The following CLIP4 variants were observed in gnomAD, a reference collection of about 807,000 sequenced individuals.
CLIP4 encodes the protein CAP-Gly domain containing linker protein family member 4.
In CLIP4, 47 loss-of-function variants were observed where a neutral mutation model predicts 73.1. The ratio of observed to expected loss-of-function variants is 0.64; its 90% CI spans 0.51 to 0.82. The LOEUF (loss-of-function observed/expected upper bound fraction) is 0.82, where lower values mean the gene tolerates loss of function less well. Ranked by LOEUF, CLIP4 falls within the 40% of genes least tolerant of loss-of-function variation. The pLI, the probability that CLIP4 is intolerant of heterozygous loss-of-function variation, is 0.00. For synonymous variants in CLIP4, 306 were observed against 295.4 expected (o/e 1.04, Z -0.37); for missense variants, 874 against 852.9 (o/e 1.02, Z -0.31).
chr2:29,147,526 A>G (rs1488725019), intron 8 of CLIP4, among the ~76,000 whole-genome samples: 1 of 151,978 alleles, frequency 6.6e-6, no homozygotes, highest in Non-Finnish European at 1.5e-5. Context: ...TACATTTTAT[A>G]TTTCTTTAAA....
At chr2:29,156,785 C>A (rs962336425) in intron 10 of CLIP4, among the ~76,000 whole-genome samples, 7 of 152,088 alleles carry the variant, frequency 4.6e-5, no homozygotes, top group African/African-American at 1.7e-4. Flanking sequence ...ATGAGTATTC[C>A]TTCTTGCCTT....
intron 7 of CLIP4, 28 bp from the exon 8 acceptor site, chr2:29,145,204 A>C (rs1469783682): frequency 6.2e-7 from 1 of 1,600,924 alleles, no homozygotes; most frequent in South Asian, 1.1e-5. Flanking sequence ...TAATTCCCCA[A>C]AATTATTCTG....
intron 14 of CLIP4, among the ~76,000 whole-genome samples, chr2:29,172,930 A>G (rs1437379295): frequency 6.6e-6 from 1 of 151,932 alleles, no homozygotes; most frequent in Non-Finnish European, 1.5e-5. Flanking sequence ...TTCTTTCCCC[A>G]TATTTTCAAA....
chr2:29,116,310 T>A (rs1663830711), intron 1 of CLIP4, among the ~76,000 whole-genome samples: 1 of 152,184 alleles, frequency 6.6e-6, no homozygotes, highest in Non-Finnish European at 1.5e-5. Context: ...AGACTCTGGT[T>A]TTCAGCTCTG....
chr2:29,121,768 G>A (rs1346375181), intron 2 of CLIP4, among the ~76,000 whole-genome samples: 2 of 151,992 alleles, frequency 1.3e-5, no homozygotes, highest in Non-Finnish European at 2.9e-5. Flanking sequence ...GGATTTAGAG[G>A]ACTTTATTTT....
chr2:29,131,204 A>G (rs1229597426), intron 2 of CLIP4, 54 bp from the exon 3 acceptor site: 9 of 1,357,692 alleles, frequency 6.6e-6, no homozygotes, highest in Non-Finnish European at 9.1e-6. Context: ...ATTATTTTCA[A>G]TATATTTATT....
chr2:29,181,871 A>C lies in CLIP4; in HGVS notation c.2096A>C (p.Lys699Thr), dbSNP rs1483217488. Reference protein sequence around the residue: ...RVTYRGINGSKLVDENC With the variant: ...RVTYRGINGSTLVDENC Reference sequence around the variant, plus strand: ...ACCTATCGGGGAATTAATGGGTCAAAACTTGTGGATGAGAATTGTTAAGCT... The same window carrying C: ...ACCTATCGGGGAATTAATGGGTCAACACTTGTGGATGAGAATTGTTAAGCT... The change falls in exon 16 of 16, where the codon AAA (lysine) becomes ACA (threonine). Residue 699 changes from lysine (K) to threonine (T), a missense_variant. Coordinates refer to ENST00000320081, the MANE Select transcript of CLIP4 (RefSeq NM_024692.6). 2 of 1,608,398 alleles carry C rather than the reference A, an allele frequency of 1.2e-6. No individual in the cohort carries two copies. Among genetic ancestry groups the C allele is most frequent in the East Asian group, 4.5e-5 (2 of 44,732 alleles).
chr2:29,165,970 T>A (rs539508239), intron 13 of CLIP4, among the ~76,000 whole-genome samples: 1 of 93,334 alleles, frequency 1.1e-5, no homozygotes, highest in East Asian at 4.5e-4. Context: ...CAGCCCCCTC[T>A]TCTTCAAAAA....
chr2:29,166,014 A>G (rs776956532), intron 13 of CLIP4, among the ~76,000 whole-genome samples: 3 of 151,112 alleles, frequency 2.0e-5, no homozygotes, highest in South Asian at 2.1e-4. Flanking sequence ...ATGAACTGCT[A>G]TCTCAATCCA....
At chr2:29,180,865 CAT>C (rs1668607509) in intron 15 of CLIP4, among the ~76,000 whole-genome samples, 1 of 148,732 alleles carries the variant, frequency 6.7e-6, no homozygotes, top group Non-Finnish European at 1.5e-5. Flanking sequence ...TGTGTGTACA[CAT>C]GTATATATAT....
intron 1 of CLIP4, among the ~76,000 whole-genome samples, chr2:29,102,596 C>T (rs79232429): frequency 0.01 from 1,533 of 152,096 alleles, 30 homozygotes; most frequent in African/African-American, 0.034. Context: ...TGTCTCATCC[C>T]TTCTCTGAAG....
At chr2:29,114,063 G>GA (rs1668453059), upstream of CLIP4, 1 of 152,230 alleles carries the variant, frequency 6.6e-6, no homozygotes, top group South Asian at 2.1e-4. Flanking sequence ...GCTGACCAGG[G>GA]TCAGGGATGG....
rs567237559 is a variant in CLIP4, at chr2:29,130,823, G to A, written c.134-435G>A. ...AAAATATATAAATGCAAAGAAGAAA[G>A]CAAAAACAAAAAAACCTCAATGAGT... On this transcript the variant is annotated intron_variant, in intron 2 of 15. Transcript: ENST00000320081. The A allele has an allele frequency of 6.2e-6, 8 of 1,288,774 alleles. No individual in the cohort carries two copies. The Admixed American group carries it at 1.2e-4, about 19-fold the overall frequency. 79.8% of individuals were successfully genotyped at this position (1,288,774 alleles called of 1,614,324 possible).
chr2:29,098,943 G>T (rs1048577723), intron 1 of CLIP4, among the ~76,000 whole-genome samples: 4 of 152,196 alleles, frequency 2.6e-5, no homozygotes, highest in Non-Finnish European at 5.9e-5. Context: ...GTTTTAATCT[G>T]CAGCTCCCTA....
intron 14 of CLIP4, chr2:29,167,882 T>C: frequency 5.7e-6 from 1 of 176,446 alleles, no homozygotes; most frequent in East Asian, 1.4e-4. Flanking sequence ...TGTTCAGTTT[T>C]GTTTGTTTGC....
intron 1 of CLIP4, among the ~76,000 whole-genome samples, chr2:29,121,165 C>T (rs1240324200): frequency 1.3e-5 from 2 of 152,110 alleles, no homozygotes; most frequent in Non-Finnish European, 2.9e-5. Context: ...ATTACATGTG[C>T]TACCGACTGG....
chr2:29,181,479 G>T, intron 15 of CLIP4, 93 bp from the exon 16 acceptor site: 1 of 1,050,872 alleles, frequency 9.5e-7, no homozygotes, highest in South Asian at 1.7e-5. Context: ...CTGAGTGAAT[G>T]AATTCTGAAT....
intron 3 of CLIP4, 75 bp downstream of exon 3, chr2:29,131,472 G>A: frequency 6.9e-7 from 1 of 1,449,738 alleles, no homozygotes. Flanking sequence ...CCATCTGAAA[G>A]GAAGATGGTA....
chr2:29,102,202 G>T (rs987907457), intron 1 of CLIP4, among the ~76,000 whole-genome samples: 1 of 152,100 alleles, frequency 6.6e-6, no homozygotes, highest in African/African-American at 2.4e-5. Context: ...GGAAGAGCAA[G>T]GAGGGCATAA....
Sources: allele counts gnomAD v4.1 joint callset (sites outside exome capture counted in the v4.1 genomes callset), GRCh38; gene constraint gnomAD v4.1.1; transcripts MANE v1.5; gene names NCBI Gene and HGNC (gene_info 2026-07-23, HGNC 2026-07-21).